The following STK17A variants were observed in gnomAD, a reference collection of about 807,000 sequenced individuals.
STK17A encodes serine/threonine kinase 17a.
A neutral mutation model predicts 43.7 loss-of-function variants in STK17A; 26 were observed. The ratio of observed to expected loss-of-function variants is 0.60; its 90% CI spans 0.44 to 0.83. STK17A has a LOEUF of 0.83. STK17A is among the 40% of genes least tolerant of loss of function. STK17A has a pLI of 0.00. For synonymous variants in STK17A, 191 were observed against 182.5 expected (o/e 1.05, Z -0.38); for missense variants, 476 against 511.6 (o/e 0.93, Z 0.67).
intron 3 of STK17A, among the ~76,000 whole-genome samples, chr7:43,609,810 C>T (rs1229874158): frequency 6.6e-6 from 1 of 152,212 alleles, no homozygotes; most frequent in Non-Finnish European, 1.5e-5. Flanking sequence ...AAAACTTTCC[C>T]ATCCTGAATT....
chr7:43,583,333 G>A lies in STK17A; in HGVS notation c.90G>A (p.Pro30=), dbSNP rs1308094672. 9 of 1,444,452 alleles carry A rather than the reference G, an allele frequency of 6.2e-6. No individual in the cohort carries two copies. Among genetic ancestry groups the A allele is most frequent in the East Asian group, 3.0e-5 (1 of 32,944 alleles). The allele number at this position is 1,444,452 out of a possible 1,614,324, so 89.5% of individuals were successfully genotyped here. A position where few individuals can be genotyped will look rare whatever the true frequency, so the allele number is the denominator to read the frequency against. The change falls in exon 1 of 7, where the codon CCG becomes CCA. Residue 30 remains proline, a synonymous_variant. Coordinates refer to ENST00000319357, the MANE Select transcript of STK17A (RefSeq NM_004760.3). The stretch of plus-strand genomic sequence containing the variant: ...GGGCAGGCCGGGGTCTGAGCGGGCC[G>A]TGCCGGCCGCCGCCGCCGCCCCAGG... ...SGRAGRGLSG[P]CRPPPPPQAR... is the part of the protein sequence containing the mutation.
chr7:43,595,859 A>C (rs773839471), intron 1 of STK17A, 42 bp from the exon 2 acceptor site: 29 of 1,579,270 alleles, frequency 1.8e-5, no homozygotes, highest in Non-Finnish European at 2.5e-5. Context: ...CATCTCTGGA[A>C]AGTTGTCAAC....
chr7:43,599,881 G>GT (rs1563145762), intron 2 of STK17A, among the ~76,000 whole-genome samples: 1 of 152,024 alleles, frequency 6.6e-6, no homozygotes, highest in African/African-American at 2.4e-5. Flanking sequence ...GTGGTCAGGT[G>GT]TAAGTCCTGG....
At chr7:43,592,671 G>A (rs953352567) in intron 1 of STK17A, among the ~76,000 whole-genome samples, 11 of 135,958 alleles carry the variant, frequency 8.1e-5, no homozygotes, top group South Asian at 6.9e-4. Flanking sequence ...CAAACATGAC[G>A]AAACCCCATC....
chr7:43,624,633 G>A lies in STK17A; in HGVS notation c.1036G>A (p.Gly346Ser). Reference sequence around the variant, plus strand: ...AGAAGAAGCAAATGCCCTCCAAGAAGGTCATTCTGTGCCTGAAATTAATTC... The same window carrying A: ...AGAAGAAGCAAATGCCCTCCAAGAAAGTCATTCTGTGCCTGAAATTAATTC... ...ALEEANALQE[G>S]HSVPEINSDT... Residue 346 changes from glycine (G) to serine (S), a missense_variant, in exon 7 of 7, where the codon GGT becomes AGT. Physicochemically the swap from Gly to Ser is moderately conservative, Grantham distance 56. Coordinates refer to ENST00000319357, the MANE Select transcript of STK17A (RefSeq NM_004760.3). The A allele has an allele frequency of 6.2e-7, 1 of 1,614,058 alleles. No individual in the cohort carries two copies.
At chr7:43,609,089 C>G (rs1449807687) in intron 3 of STK17A, 1 of 152,302 alleles carries the variant, frequency 6.6e-6, no homozygotes, top group East Asian at 1.9e-4. Flanking sequence ...TAGTGGCAAA[C>G]AAGTCCAGGG....
chr7:43,610,017 G>C (rs1272399230), intron 3 of STK17A, among the ~76,000 whole-genome samples: 4 of 152,236 alleles, frequency 2.6e-5, no homozygotes, highest in Non-Finnish European at 5.9e-5. Context: ...GCAAGGCGAG[G>C]CTTAAACTTC....
At chr7:43,583,527 C>T (rs1431311626) in intron 1 of STK17A, 78 bp downstream of exon 1, 10 of 1,158,952 alleles carry the variant, frequency 8.6e-6, no homozygotes, top group Admixed American at 4.3e-5. Flanking sequence ...GTGCCGGCGC[C>T]GCGGCGGCGA....
intron 3 of STK17A, among the ~76,000 whole-genome samples, chr7:43,614,406 G>A (rs983168768): frequency 1.3e-5 from 2 of 152,128 alleles, no homozygotes; most frequent in African/African-American, 4.8e-5. Context: ...TCTTTATAAT[G>A]AACTGGATTC....
intron 1 of STK17A, among the ~76,000 whole-genome samples, chr7:43,583,852 C>T (rs2082420605): frequency 6.6e-6 from 1 of 152,204 alleles, no homozygotes; most frequent in South Asian, 2.1e-4. Context: ...ACTCTTGCGA[C>T]TTTCTTGGTC....
At chr7:43,603,429 A>G (rs180997957) in intron 2 of STK17A, among the ~76,000 whole-genome samples, 1 of 152,316 alleles carries the variant, frequency 6.6e-6, no homozygotes, top group East Asian at 1.9e-4. Context: ...TGCACTAGAT[A>G]CTAATAGGTA....
intron 4 of STK17A, among the ~76,000 whole-genome samples, chr7:43,620,057 T>A (rs2083716998): frequency 6.6e-6 from 1 of 152,220 alleles, no homozygotes; most frequent in African/African-American, 2.4e-5. Context: ...TTTAAGGATG[T>A]TCTGGTTGAT....
At position 43,626,670 on chromosome 7, in the gene STK17A, T is replaced by C. The variant is rs1047662390; in HGVS notation, c.*1828T>C. On this transcript the variant is annotated 3_prime_UTR_variant, in exon 7 of 7. Coordinates refer to ENST00000319357, the MANE Select transcript of STK17A (RefSeq NM_004760.3). ...TAGGGAGGAGGTGACCAGGAAAAAA[T>C]AACCACTATTGAATGACACGTTTGT... The C allele has an allele frequency of 1.3e-5, 2 of 152,154 alleles. No individual in the cohort carries two copies. Among genetic ancestry groups the C allele is most frequent in the African/African-American group, 4.8e-5 (2 of 41,426 alleles). 9.4% of individuals were successfully genotyped at this position (152,154 alleles called of 1,614,324 possible).
At chr7:43,593,667 C>A (rs1204281125) in intron 1 of STK17A, among the ~76,000 whole-genome samples, 1 of 149,870 alleles carries the variant, frequency 6.7e-6, no homozygotes, top group African/African-American at 2.4e-5. Context: ...TGTTTGTTTG[C>A]TGCTCTTTTG....
chr7:43,586,178 A>G (rs1233930688), intron 1 of STK17A, among the ~76,000 whole-genome samples: 2 of 150,078 alleles, frequency 1.3e-5, no homozygotes, highest in Non-Finnish European at 3.0e-5. Context: ...AGAAAAACAG[A>G]TTTTTTTTTT....
chr7:43,604,979 A>G (rs1283447877), intron 2 of STK17A, among the ~76,000 whole-genome samples: 2 of 152,134 alleles, frequency 1.3e-5, no homozygotes, highest in Non-Finnish European at 2.9e-5. Flanking sequence ...AGACTATCCA[A>G]TGGGTTTTTC....
chr7:43,617,905 T>C (rs1583698780), intron 3 of STK17A, among the ~76,000 whole-genome samples: 1 of 152,138 alleles, frequency 6.6e-6, no homozygotes, highest in Non-Finnish European at 1.5e-5. Context: ...GCCAGGACAG[T>C]GTTTTGTCAT....
At position 43,608,278 on chromosome 7, in the gene STK17A, G is replaced by C; in HGVS notation, c.442G>C (p.Asp148His). The C allele has an allele frequency of 4.3e-6, 7 of 1,613,256 alleles. No individual in the cohort carries two copies. The highest frequency in any genetic ancestry group is 5.9e-6 in the Non-Finnish European group (7 of 1,179,786). ...TAGTGCTGCTGGGGGTGAAATCTTT[G>C]ACCAGTGTGTTGCAGACAGAGAAGA... Reference protein sequence around the residue: ...LEYAAGGEIFDQCVADREEAF... With the variant: ...LEYAAGGEIFHQCVADREEAF... Residue 148 changes from aspartate (D) to histidine (H), a missense_variant, in exon 3 of 7, where the codon GAC becomes CAC. Around this residue, in one of 3 missense-constraint regions of STK17A, gnomAD observed 320 missense variants for 326.3 expected, o/e 0.98. Transcript: ENST00000319357.
At chr7:43,602,229 C>A (rs192854286) in intron 2 of STK17A, among the ~76,000 whole-genome samples, 2 of 152,128 alleles carry the variant, frequency 1.3e-5, no homozygotes, top group Non-Finnish European at 2.9e-5. Context: ...TCCCTCCTCC[C>A]GTGGTGGTTC....
Sources: allele counts gnomAD v4.1 joint callset (sites outside exome capture counted in the v4.1 genomes callset), GRCh38; gene constraint gnomAD v4.1.1; regional missense constraint gnomAD v4.1.1; transcripts MANE v1.5; gene names NCBI Gene and HGNC (gene_info 2026-07-23, HGNC 2026-07-21).